TMC1: variants seen among roughly 807,000 people sequenced by gnomAD.
The protein encoded by TMC1 is transmembrane channel like 1, also known as transmembrane channel-like protein 1.
TMC1 carries 84 observed loss-of-function variants against 105.8 expected under a neutral mutation model. That is an observed-to-expected ratio of 0.79 (90% confidence interval 0.67 to 0.95). The LOEUF is 0.95. TMC1 is among the 40% of genes least tolerant of loss of function. The pLI is 0.00. For synonymous variants in TMC1, 315 were observed against 311.5 expected, an observed-to-expected ratio of 1.01 and a Z score of -0.12; for missense variants, 817 against 914.1, an observed-to-expected ratio of 0.89 and a Z score of 1.37.
At chr9:72,624,696 C>T (rs1418434716) in intron 3 of TMC1, among the ~76,000 whole-genome samples, 1 of 152,190 alleles carries the variant, frequency 6.6e-6, no homozygotes, top group African/African-American at 2.4e-5. Flanking sequence ...CTGTTTCCTC[C>T]ACTACTGATT....
rs571741794 is a variant in TMC1, at chr9:72,657,670, G to A, written c.16+9006G>A. 2.2e-4 allele frequency among the ~76,000 whole-genome samples: 33 copies of A among 152,202 alleles called. 1 individual carries two copies. Among genetic ancestry groups the A allele is most frequent in the African/African-American group, 7.5e-4 (31 of 41,530 alleles). ...AATCTTGGGTGTATCCATATGGTAT[G>A]TTATAATCGGAAAAGATAGATGAAA... On this transcript the variant is annotated intron_variant, in intron 5 of 23. Coordinates refer to ENST00000297784, the MANE Select transcript of TMC1 (RefSeq NM_138691.3).
chr9:72,733,296 G>C (rs1827245058), intron 8 of TMC1, among the ~76,000 whole-genome samples: 1 of 151,844 alleles, frequency 6.6e-6, no homozygotes, highest in African/African-American at 2.4e-5. Context: ...TAGAATTCCT[G>C]ACTGCCTCCT....
At chr9:72,688,850 A>T in intron 6 of TMC1, 94 bp downstream of exon 6, 1 of 1,058,766 alleles carries the variant, frequency 9.4e-7, no homozygotes, top group South Asian at 1.3e-5. Flanking sequence ...TACCATATGT[A>T]AGCAGAAGTG....
In TMC1 at chr9:72,837,587, A is replaced by G. The variant is rs1829145418; in HGVS notation, c.*1614A>G. 1 of 152,178 alleles carries G rather than the reference A, an allele frequency of 6.6e-6. No homozygotes were observed. Among genetic ancestry groups the G allele is most frequent in the African/African-American group, 2.4e-5 (1 of 41,434 alleles). 9.4% of individuals were successfully genotyped at this position (152,178 alleles called of 1,614,324 possible). ...CTGTTGGGGGCCTTAATTTATAGATATGTTTAAGCATTATTATGGATTTAC... is the reference window on the plus strand; with the variant it reads ...CTGTTGGGGGCCTTAATTTATAGATGTGTTTAAGCATTATTATGGATTTAC... On this transcript the variant is annotated 3_prime_UTR_variant, in exon 24 of 24. Coordinates refer to ENST00000297784, the MANE Select transcript of TMC1 (RefSeq NM_138691.3).
intron 15 of TMC1, among the ~76,000 whole-genome samples, chr9:72,790,172 T>C (rs1353045472): frequency 6.6e-6 from 1 of 152,196 alleles, no homozygotes; most frequent in African/African-American, 2.4e-5. Context: ...AGATTTAGGC[T>C]GTGGGAAGTG....
intron 1 of TMC1, among the ~76,000 whole-genome samples, chr9:72,530,599 A>C (rs962684365): frequency 6.6e-6 from 1 of 151,434 alleles, no homozygotes; most frequent in Non-Finnish European, 1.5e-5. Context: ...AAAAAAAAAA[A>C]AACCTTCTCA....
chr9:72,654,220 C>T (rs1588014452), intron 5 of TMC1, among the ~76,000 whole-genome samples: 1 of 152,192 alleles, frequency 6.6e-6, no homozygotes, highest in African/African-American at 2.4e-5. Context: ...TTTGCATTTT[C>T]ACCAGCAGTG....
chr9:72,527,081 T>C (rs1369753132), intron 1 of TMC1, among the ~76,000 whole-genome samples: 2 of 152,126 alleles, frequency 1.3e-5, no homozygotes, highest in Non-Finnish European at 2.9e-5. Context: ...TCCCTTGTCT[T>C]GTAGGATGTT....
chr9:72,759,702 A>G (rs573428252), intron 12 of TMC1, among the ~76,000 whole-genome samples: 7 of 152,186 alleles, frequency 4.6e-5, no homozygotes, highest in African/African-American at 1.7e-4. Flanking sequence ...CTGGAAATTC[A>G]CAAAAATAAG....
intron 4 of TMC1, among the ~76,000 whole-genome samples, chr9:72,634,812 T>C (rs1184316788): frequency 1.3e-5 from 2 of 152,176 alleles, no homozygotes; most frequent in African/African-American, 2.4e-5. Flanking sequence ...ATTACCAGTT[T>C]ACTTTAAAAG....
chr9:72,573,124 G>T (rs546112213), intron 1 of TMC1, among the ~76,000 whole-genome samples: 2 of 152,236 alleles, frequency 1.3e-5, no homozygotes, highest in East Asian at 1.9e-4. Context: ...TGAGCCATTG[G>T]TTTTTTTCTG....
chr9:72,780,764 G>A (rs1000995864), intron 13 of TMC1, among the ~76,000 whole-genome samples: 3 of 152,154 alleles, frequency 2.0e-5, no homozygotes, highest in Non-Finnish European at 2.9e-5. Context: ...TCAGCAAGAA[G>A]ACTTAACTGT....
At chr9:72,533,048 G>A (rs1409291116) in intron 1 of TMC1, among the ~76,000 whole-genome samples, 1 of 152,192 alleles carries the variant, frequency 6.6e-6, no homozygotes. Context: ...GGGGCTAAGG[G>A]AGAAGGAGGT....
chr9:72,627,615 A>G (rs927776568), intron 3 of TMC1, among the ~76,000 whole-genome samples: 1 of 152,172 alleles, frequency 6.6e-6, no homozygotes, highest in African/African-American at 2.4e-5. Flanking sequence ...CCTTTAAACG[A>G]AGAGCTACAT....
chr9:72,723,911 C>A (rs1827073353), intron 8 of TMC1, among the ~76,000 whole-genome samples: 2 of 152,150 alleles, frequency 1.3e-5, no homozygotes, highest in African/African-American at 4.8e-5. Context: ...CACTGAGCTA[C>A]TGTTTCTATT....
intron 19 of TMC1, among the ~76,000 whole-genome samples, chr9:72,820,426 G>A (rs1828848396): frequency 6.6e-6 from 1 of 152,122 alleles, no homozygotes; most frequent in South Asian, 2.1e-4. Flanking sequence ...TAGAAGAAGT[G>A]ACTTTAAGGG....
intron 1 of TMC1, among the ~76,000 whole-genome samples, chr9:72,568,500 G>A (rs932405401): frequency 6.6e-6 from 1 of 152,168 alleles, no homozygotes; most frequent in South Asian, 2.1e-4. Context: ...CTTGCTATGA[G>A]TGAGGCACCA....
At chr9:72,726,455 G>A (rs1410104506) in intron 8 of TMC1, among the ~76,000 whole-genome samples, 2 of 152,138 alleles carry the variant, frequency 1.3e-5, no homozygotes, top group Admixed American at 1.3e-4. Context: ...GGCTATGGGA[G>A]GACACTGTAA....
At chr9:72,560,599 A>G (rs1052335507) in intron 1 of TMC1, among the ~76,000 whole-genome samples, 3 of 152,060 alleles carry the variant, frequency 2.0e-5, no homozygotes, top group Admixed American at 1.3e-4. Flanking sequence ...CCCGGGTTCA[A>G]GTAATTCCCC....
Sources: allele counts gnomAD v4.1 joint callset (sites outside exome capture counted in the v4.1 genomes callset), GRCh38; gene constraint gnomAD v4.1.1; transcripts MANE v1.5; gene names NCBI Gene and HGNC (gene_info 2026-07-23, HGNC 2026-07-21).